Variants in RPGRIP1 observed in about 807,000 individuals in gnomAD.
RPGRIP1 encodes the protein X-linked retinitis pigmentosa GTPase regulator-interacting protein 1.
RPGRIP1 carries 128 observed loss-of-function variants against 157.9 expected under a neutral mutation model. The ratio of observed to expected loss-of-function variants is 0.81; its 90% confidence interval spans 0.70 to 0.94. RPGRIP1 has a LOEUF of 0.94. Ranked by LOEUF, RPGRIP1 falls within the 40% of genes least tolerant of loss-of-function variation. The probability of loss-of-function intolerance (pLI) is 0.00; values close to 1 mark genes in which losing one functional copy is unlikely to be tolerated. For missense variants in RPGRIP1, 1,486 were observed against 1,545.8 expected (o/e 0.96, Z 0.65); for synonymous variants, 554 against 571.6 (o/e 0.97, Z 0.44).
intron 2 of RPGRIP1, among the ~76,000 whole-genome samples, chr14:21,288,642 G>A (rs1199515162): frequency 1.3e-5 from 2 of 151,620 alleles, no homozygotes; most frequent in Non-Finnish European, 2.9e-5. Flanking sequence ...AGACTCCTGA[G>A]TAGCTGGGAC....
chr14:21,309,672 A>AT (rs527264419), intron 7 of RPGRIP1, among the ~76,000 whole-genome samples: 7 of 151,882 alleles, frequency 4.6e-5, no homozygotes, highest in African/African-American at 1.5e-4. Flanking sequence ...CACACTAAGA[A>AT]TTTTTTTTCT....
intron 3 of RPGRIP1, among the ~76,000 whole-genome samples, chr14:21,297,450 T>G (rs916244010): frequency 3.3e-5 from 5 of 152,176 alleles, no homozygotes; most frequent in African/African-American, 4.8e-5. Context: ...GATCTTAGAT[T>G]TCTTTCTTTA....
Position 21,302,563 on chromosome 14 carries a change from T to C in RPGRIP1, c.566T>C (p.Val189Ala), listed in dbSNP as rs1329481007. 3.2e-6 allele frequency: 5 copies of C among 1,581,194 alleles called. No homozygotes were observed. In the South Asian group the frequency reaches 5.8e-5, roughly 18 times the overall value. ...GCGACAAATGAAAACAGAGGTGAAG[T>C]AGCCAGTAAACCCAGTGAACTGTGA... ...EHATNENRGEVASKPSELVSG... is the reference protein window; with the variant it reads ...EHATNENRGEAASKPSELVSG... Residue 189 changes from valine to alanine, a missense_variant, in exon 5 of 25, where the codon GTA becomes GCA. Transcript: ENST00000400017.
At chr14:21,288,143 A>ACT in intron 2 of RPGRIP1, 82 bp downstream of exon 2, 4 of 879,114 alleles carry the variant, frequency 4.6e-6, no homozygotes, top group Non-Finnish European at 7.6e-6. Context: ...CTTCACAGAG[A>ACT]CTGATTTACT....
chr14:21,314,822 G>A (rs1881702592), intron 10 of RPGRIP1, among the ~76,000 whole-genome samples: 1 of 151,914 alleles, frequency 6.6e-6, no homozygotes, highest in African/African-American at 2.4e-5. Context: ...AGGAGTGTGA[G>A]ACCAGCCTGA....
intron 6 of RPGRIP1, among the ~76,000 whole-genome samples, chr14:21,303,997 AAAAAGAAAAG>A (rs1555365516): frequency 2.7e-5 from 4 of 145,668 alleles, no homozygotes; most frequent in South Asian, 4.4e-4. Flanking sequence ...TCAAAAAAAA[AAAAAGAAAAG>A]AAAAGAAAAG....
chr14:21,317,696 C>T lies in RPGRIP1; in HGVS notation c.1152C>T (p.Ser384=). 1.3e-6 allele frequency: 2 copies of T among 1,581,860 alleles called. No individual in the cohort carries two copies. Among genetic ancestry groups the T allele is most frequent in the Non-Finnish European group, 8.6e-7 (1 of 1,163,706 alleles). Reference sequence around the variant, plus strand: ...CTGAGAGCTTGCTTTCCATTGCCAGCATGCTGGACAGCAGTGACAGCTCCA... The same window carrying T: ...CTGAGAGCTTGCTTTCCATTGCCAGTATGCTGGACAGCAGTGACAGCTCCA... ...LNDNYDKLLE[S]MLDSSDSSSQ... The change falls in exon 11 of 25, where the codon AGC becomes AGT. Residue 384 remains serine (S), a splice_region_variant and synonymous_variant. Coordinates refer to ENST00000400017, the MANE Select transcript of RPGRIP1 (RefSeq NM_020366.4).
intron 3 of RPGRIP1, among the ~76,000 whole-genome samples, chr14:21,297,880 T>TCTTTCTTTCTTTCTTTCTTTC (rs1555365051): frequency 6.0e-5 from 9 of 149,732 alleles, no homozygotes; most frequent in African/African-American, 1.2e-4. Context: ...TTTCTTTCTT[T>TCTTTCTTTCTTTCTTTCTTTC]TTTTTGAGAT....
intron 7 of RPGRIP1, among the ~76,000 whole-genome samples, chr14:21,309,518 A>G (rs916141650): frequency 6.6e-6 from 1 of 152,164 alleles, no homozygotes; most frequent in African/African-American, 2.4e-5. Context: ...AAAAAAAGAA[A>G]AAAGAAAAGG....
At chr14:21,348,058 G>A (rs2139365113) in intron 23 of RPGRIP1, 114 bp from the exon 24 acceptor site, 1 of 910,776 alleles carries the variant, frequency 1.1e-6, no homozygotes, top group African/African-American at 1.8e-5. Flanking sequence ...ATGGAGGCAA[G>A]GGAAAAGTGA....
rs1481147282 is a variant in RPGRIP1 at position 21,345,104 on chromosome 14, T to G, written c.3533-9T>G. 10 of 1,601,632 alleles carry G rather than the reference T, an allele frequency of 6.2e-6. No individual in the cohort carries two copies. In the South Asian group the frequency reaches 1.1e-4, roughly 18 times the overall value. On this transcript the variant is annotated splice_polypyrimidine_tract_variant and intron_variant, in intron 22 of 24. Transcript: ENST00000400017. ...GATTCTTTGCTTTTTTCTCTTACCC[T>G]TAATACAGTAATAGACCTGGACCCA...
intron 21 of RPGRIP1, among the ~76,000 whole-genome samples, chr14:21,342,412 G>T (rs1885102575): frequency 6.6e-6 from 1 of 151,858 alleles, no homozygotes; most frequent in South Asian, 2.1e-4. Context: ...CCTATGTGGT[G>T]GTGTACCTGT....
At chr14:21,299,039 G>T (rs144388847) in intron 3 of RPGRIP1, among the ~76,000 whole-genome samples, 27,826 of 149,690 alleles carry the variant, frequency 0.19, 2,840 homozygotes, top group East Asian at 0.28. Flanking sequence ...TTTGAGATGG[G>T]AGTTTCGCTC....
At chr14:21,347,460 C>G (rs778194101) in intron 23 of RPGRIP1, among the ~76,000 whole-genome samples, 4 of 152,210 alleles carry the variant, frequency 2.6e-5, no homozygotes, top group African/African-American at 4.8e-5. Context: ...AACATAGTTA[C>G]AAATGAATAT....
chr14:21,285,028 G>A (rs1163714220), intron 1 of RPGRIP1, among the ~76,000 whole-genome samples: 1 of 151,978 alleles, frequency 6.6e-6, no homozygotes, highest in Admixed American at 6.6e-5. Context: ...ATAACTGTTC[G>A]GGTACTGCAT....
At chr14:21,320,259 AAACT>A (rs1320419570) in intron 12 of RPGRIP1, 82 bp downstream of exon 12, 5 of 1,241,262 alleles carry the variant, frequency 4.0e-6, no homozygotes, top group Non-Finnish European at 5.7e-6. Flanking sequence ...TGAGATTAGA[AAACT>A]AACTAAATAA....
At chr14:21,316,885 C>A (rs11620900) in intron 10 of RPGRIP1, among the ~76,000 whole-genome samples, 52,950 of 151,746 alleles carry the variant, frequency 0.35, 9,847 homozygotes, top group East Asian at 0.43. Flanking sequence ...TTTGGGAGGC[C>A]GAGGCAGGTG....
intron 19 of RPGRIP1, among the ~76,000 whole-genome samples, chr14:21,329,051 G>A (rs895745454): frequency 2.0e-5 from 3 of 151,596 alleles, no homozygotes; most frequent in Non-Finnish European, 2.9e-5. Context: ...GGCTGAGGAA[G>A]GAGAATCACC....
intron 10 of RPGRIP1, among the ~76,000 whole-genome samples, chr14:21,315,788 A>ATTT (rs1881762693): frequency 6.7e-6 from 1 of 149,904 alleles, no homozygotes; most frequent in African/African-American, 2.5e-5. Flanking sequence ...TAAGTAGGTT[A>ATTT]TTATTATTAT....
Sources: allele counts gnomAD v4.1 joint callset (sites outside exome capture counted in the v4.1 genomes callset), GRCh38; gene constraint gnomAD v4.1.1; transcripts MANE v1.5; gene names NCBI Gene and HGNC (gene_info 2026-07-23, HGNC 2026-07-21).